The following PARD3B variants were observed in gnomAD, a reference collection of about 807,000 sequenced individuals.
PARD3B encodes par-3 family cell polarity regulator beta.
Under a neutral mutation model 130.2 loss-of-function variants are expected in PARD3B, and 103 were observed. The observed-to-expected ratio is 0.79, with a 90% CI of 0.67 to 0.93. The LOEUF is 0.93. Among genes scored for constraint, PARD3B ranks in the 40% least tolerant of loss-of-function variants. The pLI, the probability that PARD3B is intolerant of heterozygous loss-of-function variation, is 0.00. For synonymous variants in PARD3B, 583 were observed against 553.2 expected, an observed-to-expected ratio of 1.05 and a Z score of -0.76; for missense variants, 1,609 against 1,499.2, an observed-to-expected ratio of 1.07 and a Z score of -1.21.
chr2:205,538,233 A>T (rs1171955233), intron 21 of PARD3B, among the ~76,000 whole-genome samples: 1 of 152,200 alleles, frequency 6.6e-6, no homozygotes, highest in East Asian at 1.9e-4. Flanking sequence ...TCAGAAAATA[A>T]AAAGAGAATA....
At chr2:204,936,568 C>G (rs1408805913) in intron 2 of PARD3B, among the ~76,000 whole-genome samples, 1 of 152,058 alleles carries the variant, frequency 6.6e-6, no homozygotes, top group Admixed American at 6.5e-5. Context: ...ATATTATTGT[C>G]CTACTTTTAC....
Position 204,546,030 on chromosome 2 carries a change from G to A in PARD3B, c.31G>A (p.Gly11Ser), listed in dbSNP as rs1157532914. The change falls in exon 1 of 23, where the codon GGC becomes AGC. Residue 11 changes from glycine to serine, a missense_variant. By Grantham distance (56) the Gly-to-Ser change is moderately conservative. Transcript: ENST00000406610. MKVTVCFGRT[G>S]IVVPCKEGQL... ...AGTGACCGTGTGCTTCGGCAGGACG[G>A]GCATCGTGGTGCCCTGCAAGGAGGG... The A allele has an allele frequency of 1.4e-5, 22 of 1,568,008 alleles. No homozygotes were observed. The East Asian group carries it at 4.8e-4, about 34-fold the overall frequency.
chr2:204,546,524 A>G (rs1004561622), intron 1 of PARD3B, among the ~76,000 whole-genome samples: 2 of 152,184 alleles, frequency 1.3e-5, no homozygotes, highest in African/African-American at 4.8e-5. Context: ...TTTTTGACCC[A>G]TTAAGGCCCG....
At chr2:204,710,519 T>C (rs1477623488) in intron 2 of PARD3B, among the ~76,000 whole-genome samples, 1 of 152,210 alleles carries the variant, frequency 6.6e-6, no homozygotes, top group African/African-American at 2.4e-5. Flanking sequence ...GCTCATGTGG[T>C]AGAAGTTTAG....
chr2:205,215,392 T>C (rs1270959092), intron 15 of PARD3B, among the ~76,000 whole-genome samples: 1 of 151,984 alleles, frequency 6.6e-6, no homozygotes, highest in African/African-American at 2.4e-5. Flanking sequence ...ATTATCCACA[T>C]GTTCTTTGTC....
intron 3 of PARD3B, among the ~76,000 whole-genome samples, chr2:204,982,638 C>G (rs1449925075): frequency 6.6e-6 from 1 of 152,220 alleles, no homozygotes; most frequent in Non-Finnish European, 1.5e-5. Context: ...CACAATCTTT[C>G]AGCTCAAGCT....
intron 20 of PARD3B, among the ~76,000 whole-genome samples, chr2:205,493,332 C>T (rs2049793660): frequency 1.3e-5 from 2 of 152,042 alleles, no homozygotes; most frequent in Admixed American, 1.3e-4. Flanking sequence ...AAGAACACTC[C>T]CCCTGTGGAA....
chr2:205,430,922 A>T (rs1160713177), intron 19 of PARD3B, among the ~76,000 whole-genome samples: 5 of 152,244 alleles, frequency 3.3e-5, no homozygotes, highest in Admixed American at 3.3e-4. Flanking sequence ...GATGATACCA[A>T]GGAATAATTG....
At chr2:204,557,743 GTAGGCAGTAGTTT>G (rs1370493539) in intron 1 of PARD3B, among the ~76,000 whole-genome samples, 2 of 152,172 alleles carry the variant, frequency 1.3e-5, no homozygotes, top group African/African-American at 2.4e-5. Context: ...CACATTTGCT[GTAGGCAGTAGTTT>G]AGTGGTCCAT....
rs188636654 is a variant in PARD3B, at chr2:204,874,989, C to T, written c.223-90163C>T. 2.0e-5 allele frequency among the ~76,000 whole-genome samples: 3 copies of T among 152,224 alleles called. No individual in the cohort carries two copies. The East Asian group carries it at 5.8e-4, about 29-fold the overall frequency. ...TATTCGTTCTCTTCTTTAGCTATTCCTGTGGTCAAGAGATGATACCTTGTG... is the reference window on the plus strand; with the variant it reads ...TATTCGTTCTCTTCTTTAGCTATTCTTGTGGTCAAGAGATGATACCTTGTG... On this transcript the variant is annotated intron_variant, in intron 2 of 22. Coordinates refer to ENST00000406610, the MANE Select transcript of PARD3B (RefSeq NM_001302769.2).
At chr2:204,946,004 T>C (rs1262242621) in intron 2 of PARD3B, among the ~76,000 whole-genome samples, 2 of 152,222 alleles carry the variant, frequency 1.3e-5, no homozygotes, top group Non-Finnish European at 2.9e-5. Flanking sequence ...ATCACACTAA[T>C]TAGGACCAGC....
intron 3 of PARD3B, among the ~76,000 whole-genome samples, chr2:204,981,794 A>G (rs1692686661): frequency 1.3e-5 from 2 of 152,190 alleles, no homozygotes; most frequent in South Asian, 4.1e-4. Context: ...TCTGATGACA[A>G]GAACGAGGAG....
intron 21 of PARD3B, among the ~76,000 whole-genome samples, chr2:205,544,244 C>G (rs1462418139): frequency 6.6e-6 from 1 of 151,566 alleles, no homozygotes; most frequent in African/African-American, 2.4e-5. Flanking sequence ...AAATGCTTTT[C>G]CTAATGCCTT....
At chr2:205,533,405 C>T (rs888802328) in intron 21 of PARD3B, among the ~76,000 whole-genome samples, 6 of 152,044 alleles carry the variant, frequency 3.9e-5, no homozygotes, top group African/African-American at 1.2e-4. Flanking sequence ...TCCTATCCAC[C>T]AGATTTTCTT....
chr2:205,161,960 G>A (rs1463592766), intron 11 of PARD3B, among the ~76,000 whole-genome samples: 3 of 152,148 alleles, frequency 2.0e-5, no homozygotes, highest in Non-Finnish European at 4.4e-5. Context: ...ACAAAGATAG[G>A]CTACTTCTTG....
At chr2:205,089,126 ACT>A (rs1265978913) in intron 4 of PARD3B, among the ~76,000 whole-genome samples, 2 of 140,290 alleles carry the variant, frequency 1.4e-5, no homozygotes, top group Non-Finnish European at 3.1e-5. Flanking sequence ...ACTCATGGGC[ACT>A]CTCTTTTTTT....
chr2:205,555,473 T>TA (rs1300958820), intron 22 of PARD3B, among the ~76,000 whole-genome samples: 1 of 152,210 alleles, frequency 6.6e-6, no homozygotes, highest in East Asian at 1.9e-4. Context: ...TTATTTTCGC[T>TA]AATCCCCGAA....
chr2:205,377,313 A>ACTCAGAG (rs1354237162), intron 18 of PARD3B, among the ~76,000 whole-genome samples: 1 of 152,162 alleles, frequency 6.6e-6, no homozygotes, highest in African/African-American at 2.4e-5. Context: ...TAAAATACAG[A>ACTCAGAG]TTCTGACTCA....
chr2:204,860,878 C>T (rs1222874074), intron 2 of PARD3B, among the ~76,000 whole-genome samples: 2 of 152,082 alleles, frequency 1.3e-5, no homozygotes, highest in Non-Finnish European at 2.9e-5. Flanking sequence ...TTCATATGTG[C>T]AGATTAGCAG....
Sources: allele counts gnomAD v4.1 joint callset (sites outside exome capture counted in the v4.1 genomes callset), GRCh38; gene constraint gnomAD v4.1.1; transcripts MANE v1.5; gene names NCBI Gene and HGNC (gene_info 2026-07-23, HGNC 2026-07-21).